MARCHF1: variants seen among roughly 807,000 people sequenced by gnomAD.
MARCHF1 encodes the protein membrane associated ring-CH-type finger 1.
MARCHF1 carries 40 observed loss-of-function variants against 54.2 expected under a neutral mutation model. The ratio of observed to expected loss-of-function variants is 0.74; its 90% CI spans 0.57 to 0.96. The LOEUF is 0.96. Among genes scored for constraint, MARCHF1 ranks in the 40% least tolerant of loss-of-function variants. The probability of loss-of-function intolerance (pLI) is 0.00; values close to 1 mark genes in which losing one functional copy is unlikely to be tolerated. For missense variants in MARCHF1, 586 were observed against 656.5 expected, an observed-to-expected ratio of 0.89 and a Z score of 1.17; for synonymous variants, 236 against 236.3, an observed-to-expected ratio of 1.00 and a Z score of 0.01.
At chr4:163,756,454 C>T (rs1196972743) in intron 4 of MARCHF1, among the ~76,000 whole-genome samples, 2 of 151,212 alleles carry the variant, frequency 1.3e-5, no homozygotes, top group African/African-American at 4.9e-5. Context: ...CGGTGAAACC[C>T]TGTCTCTATT....
At chr4:163,817,188 T>C (rs1258005255) in intron 4 of MARCHF1, among the ~76,000 whole-genome samples, 2 of 151,998 alleles carry the variant, frequency 1.3e-5, no homozygotes, top group Non-Finnish European at 2.9e-5. Flanking sequence ...TCACTCAAAA[T>C]TATCACACAA....
intron 1 of MARCHF1, among the ~76,000 whole-genome samples, chr4:164,236,420 C>A (rs1196868891): frequency 2.0e-5 from 3 of 152,068 alleles, no homozygotes; most frequent in Non-Finnish European, 4.4e-5. Flanking sequence ...AGACACATAG[C>A]AGCCTTCTTG....
intron 1 of MARCHF1, among the ~76,000 whole-genome samples, chr4:164,376,958 G>A (rs1731210514): frequency 6.6e-6 from 1 of 152,108 alleles, no homozygotes; most frequent in South Asian, 2.1e-4. Flanking sequence ...GCCCCAATGA[G>A]CCTCAATGTC....
intron 4 of MARCHF1, among the ~76,000 whole-genome samples, chr4:163,707,992 G>A (rs7684918): frequency 6.6e-6 from 1 of 151,456 alleles, no homozygotes; most frequent in Non-Finnish European, 1.5e-5. Flanking sequence ...AAACTAGAAG[G>A]CTAGAAAAGG....
At chr4:163,644,663 GC>G (rs919815769) in intron 5 of MARCHF1, among the ~76,000 whole-genome samples, 8 of 152,088 alleles carry the variant, frequency 5.3e-5, no homozygotes, top group Non-Finnish European at 8.8e-5. Context: ...CCACAGGCAG[GC>G]CAGCTAACTT....
intron 3 of MARCHF1, among the ~76,000 whole-genome samples, chr4:163,877,481 T>A (rs1236691918): frequency 1.1e-4 from 16 of 147,692 alleles, no homozygotes; most frequent in African/African-American, 2.2e-4. Context: ...TTTTTTCTAA[T>A]GAACAGAAAG....
chr4:163,973,974 C>T (rs1285172165), intron 3 of MARCHF1, among the ~76,000 whole-genome samples: 2 of 152,136 alleles, frequency 1.3e-5, no homozygotes, highest in Non-Finnish European at 2.9e-5. Flanking sequence ...TGAATATGGC[C>T]TCTGGAATCA....
chr4:164,175,104 A>G (rs1349387970), intron 1 of MARCHF1, among the ~76,000 whole-genome samples: 1 of 152,186 alleles, frequency 6.6e-6, no homozygotes, highest in Non-Finnish European at 1.5e-5. Context: ...ACCTCAACCT[A>G]TTTAAGCCTT....
chr4:163,922,987 A>G (rs1327236948), intron 3 of MARCHF1, among the ~76,000 whole-genome samples: 1 of 152,210 alleles, frequency 6.6e-6, no homozygotes, highest in African/African-American at 2.4e-5. Context: ...TAGAGAAAAA[A>G]TTGTCAAAGA....
intron 1 of MARCHF1, among the ~76,000 whole-genome samples, chr4:164,205,075 T>C (rs1014373457): frequency 6.6e-6 from 1 of 152,200 alleles, no homozygotes; most frequent in African/African-American, 2.4e-5. Flanking sequence ...ATCCATTCCT[T>C]TGATTTACTG....
At chr4:164,107,769 A>G (rs1755739085) in intron 2 of MARCHF1, among the ~76,000 whole-genome samples, 1 of 152,176 alleles carries the variant, frequency 6.6e-6, no homozygotes, top group Admixed American at 6.6e-5. Context: ...ATAAAATGAA[A>G]AAGAATACAA....
At chr4:163,989,283 T>G (rs1229428555) in intron 2 of MARCHF1, among the ~76,000 whole-genome samples, 1 of 103,686 alleles carries the variant, frequency 9.6e-6, no homozygotes, top group African/African-American at 3.3e-5. Flanking sequence ...TCGAATGAGG[T>G]GTTGAGAGAG....
intron 1 of MARCHF1, among the ~76,000 whole-genome samples, chr4:164,263,440 C>T (rs1043821969): frequency 6.6e-6 from 1 of 152,054 alleles, no homozygotes; most frequent in Non-Finnish European, 1.5e-5. Flanking sequence ...GGCTGCAGTA[C>T]AGTGGTTGTT....
intron 2 of MARCHF1, among the ~76,000 whole-genome samples, chr4:164,100,478 C>G (rs1755518655): frequency 6.6e-6 from 1 of 152,220 alleles, no homozygotes; most frequent in African/African-American, 2.4e-5. Context: ...CTTCCAACTT[C>G]TGGTGATAAG....
At chr4:164,081,457 T>C (rs1755099871) in intron 2 of MARCHF1, among the ~76,000 whole-genome samples, 1 of 151,964 alleles carries the variant, frequency 6.6e-6, no homozygotes. Flanking sequence ...TACATAAAAA[T>C]AGTACCTATT....
At chr4:164,241,696 T>G (rs539282450) in intron 1 of MARCHF1, among the ~76,000 whole-genome samples, 1 of 152,260 alleles carries the variant, frequency 6.6e-6, no homozygotes, top group East Asian at 1.9e-4. Context: ...GGGTGATTTC[T>G]GCATTTCCAT....
At chr4:164,310,078 TTTTA>T (rs1337820745) in intron 1 of MARCHF1, among the ~76,000 whole-genome samples, 11 of 152,122 alleles carry the variant, frequency 7.2e-5, no homozygotes, top group South Asian at 2.1e-4. Flanking sequence ...TTTTTTTAAT[TTTTA>T]TTTATTTATT....
chr4:163,861,051 A>ACTATACTGG (rs1359677028), intron 3 of MARCHF1, among the ~76,000 whole-genome samples: 7 of 152,220 alleles, frequency 4.6e-5, no homozygotes, highest in Non-Finnish European at 8.8e-5. Flanking sequence ...TATATTAAGG[A>ACTATACTGG]CTATACTGGA....
chr4:163,535,764 T>C (rs1408312522), intron 9 of MARCHF1, among the ~76,000 whole-genome samples: 2 of 151,924 alleles, frequency 1.3e-5, no homozygotes, highest in Non-Finnish European at 2.9e-5. Context: ...TTTTTTTTTT[T>C]TTTCTTAAGT....
Sources: allele counts gnomAD v4.1 joint callset (sites outside exome capture counted in the v4.1 genomes callset), GRCh38; gene constraint gnomAD v4.1.1; transcripts MANE v1.5; gene names NCBI Gene and HGNC (gene_info 2026-07-23, HGNC 2026-07-21).